MYO1D: variants seen among roughly 807,000 people sequenced by gnomAD.
MYO1D encodes myosin ID.
Under a neutral mutation model 122.0 loss-of-function variants are expected in MYO1D, and 83 were observed. The ratio of observed to expected loss-of-function variants is 0.68; its 90% CI spans 0.57 to 0.82. MYO1D has a LOEUF of 0.82. MYO1D is among the 40% of genes least tolerant of loss of function. The pLI is 0.00. For missense variants in MYO1D, 1,157 were observed against 1,269.5 expected, an observed-to-expected ratio of 0.91 and a Z score of 1.35; for synonymous variants, 464 against 446.9, an observed-to-expected ratio of 1.04 and a Z score of -0.48.
At chr17:32,710,664 G>C (rs1396319854) in intron 16 of MYO1D, among the ~76,000 whole-genome samples, 2 of 152,144 alleles carry the variant, frequency 1.3e-5, no homozygotes, top group Non-Finnish European at 1.5e-5. Flanking sequence ...TTACAGAATA[G>C]GAGAATATAT....
intron 3 of MYO1D, among the ~76,000 whole-genome samples, chr17:32,776,870 C>A (rs1461680307): frequency 6.6e-6 from 1 of 152,152 alleles, no homozygotes; most frequent in Admixed American, 6.5e-5. Flanking sequence ...GTTTTCATTC[C>A]ACTGATAAAA....
intron 21 of MYO1D, among the ~76,000 whole-genome samples, chr17:32,564,309 T>TTCTAATTACTCACACAAG (rs2087152528): frequency 6.6e-6 from 1 of 152,204 alleles, no homozygotes; most frequent in Non-Finnish European, 1.5e-5. Context: ...CCTCTGAAGT[T>TTCTAATTACTCACACAAG]TCTAATTACT....
At chr17:32,835,567 G>C (rs1017884798) in intron 1 of MYO1D, among the ~76,000 whole-genome samples, 11 of 152,226 alleles carry the variant, frequency 7.2e-5, no homozygotes, top group Admixed American at 5.9e-4. Context: ...CCCTGGCATA[G>C]GTTCTACCTA....
chr17:32,818,961 C>T (rs1296182774), intron 1 of MYO1D, among the ~76,000 whole-genome samples: 2 of 152,168 alleles, frequency 1.3e-5, no homozygotes, highest in South Asian at 2.1e-4. Context: ...GATAGGTTGA[C>T]GTTACTTCTT....
chr17:32,810,249 G>A (rs1035642798), intron 1 of MYO1D, among the ~76,000 whole-genome samples: 2 of 152,182 alleles, frequency 1.3e-5, no homozygotes, highest in Non-Finnish European at 2.9e-5. Flanking sequence ...AAAGGGAGGA[G>A]AGAGTAGGTG....
intron 19 of MYO1D, among the ~76,000 whole-genome samples, chr17:32,652,626 G>GTT (rs879726485): frequency 6.7e-6 from 1 of 148,234 alleles, no homozygotes; most frequent in Non-Finnish European, 1.5e-5. Flanking sequence ...GTATTTTAAG[G>GTT]TTTTTTTTTT....
At chr17:32,719,711 G>T (rs914288558) in intron 15 of MYO1D, among the ~76,000 whole-genome samples, 1 of 152,124 alleles carries the variant, frequency 6.6e-6, no homozygotes, top group Non-Finnish European at 1.5e-5. Flanking sequence ...CATCCATAAG[G>T]TTATGTAATT....
At chr17:32,608,311 T>C (rs774547844) in intron 20 of MYO1D, among the ~76,000 whole-genome samples, 1 of 152,120 alleles carries the variant, frequency 6.6e-6, no homozygotes, top group African/African-American at 2.4e-5. Flanking sequence ...TTAAAAATGA[T>C]GGATAAAAGA....
chr17:32,801,973 T>G (rs534937789), intron 1 of MYO1D, among the ~76,000 whole-genome samples: 1 of 152,324 alleles, frequency 6.6e-6, no homozygotes, highest in East Asian at 1.9e-4. Flanking sequence ...AAATCTGGGA[T>G]AGTTTATTGT....
At chr17:32,518,009 A>G (rs1909956899) in intron 21 of MYO1D, among the ~76,000 whole-genome samples, 1 of 141,854 alleles carries the variant, frequency 7.0e-6, no homozygotes, top group South Asian at 2.3e-4. Flanking sequence ...CTGGCCCGCC[A>G]CTCTGCCATC....
chr17:32,622,057 C>T (rs1484712994), intron 20 of MYO1D, among the ~76,000 whole-genome samples: 1 of 152,190 alleles, frequency 6.6e-6, no homozygotes, highest in Non-Finnish European at 1.5e-5. Context: ...CTAAGACAGT[C>T]TCCATCCTAG....
intron 21 of MYO1D, among the ~76,000 whole-genome samples, chr17:32,580,120 C>A (rs1321371670): frequency 6.6e-6 from 1 of 151,856 alleles, no homozygotes. Flanking sequence ...TACAATTATC[C>A]AAAATGGACA....
At chr17:32,714,209 G>A (rs1469159032) in intron 15 of MYO1D, among the ~76,000 whole-genome samples, 1 of 151,808 alleles carries the variant, frequency 6.6e-6, no homozygotes, top group African/African-American at 2.4e-5. Context: ...TCTTCCTGAT[G>A]ATCTCCATTC....
In MYO1D at chr17:32,805,579, T is replaced by C. The variant is rs546050084; in HGVS notation, c.96-24795A>G. 1.2e-4 allele frequency among the ~76,000 whole-genome samples: 19 copies of C among 152,266 alleles called. No homozygotes were observed. The South Asian group carries it at 3.1e-3, about 25-fold the overall frequency. ...CAAAACCGATGGAGAAGTGTGTTAT[T>C]TGCAGAGATGACTAATGAAGCAATC... On this transcript the variant is annotated intron_variant, in intron 1 of 21. Transcript: ENST00000318217.
chr17:32,757,232 G>T (rs576869282), intron 10 of MYO1D, among the ~76,000 whole-genome samples: 30 of 152,144 alleles, frequency 2.0e-4, no homozygotes, highest in African/African-American at 7.0e-4. Flanking sequence ...CTGTAAACTG[G>T]GTAGTTTTTA....
intron 21 of MYO1D, among the ~76,000 whole-genome samples, chr17:32,538,826 C>T (rs1440540758): frequency 6.6e-6 from 1 of 152,094 alleles, no homozygotes; most frequent in Non-Finnish European, 1.5e-5. Context: ...AGCCATAATC[C>T]TCAGCAAACT....
intron 21 of MYO1D, among the ~76,000 whole-genome samples, chr17:32,568,363 G>C (rs751785488): frequency 6.6e-6 from 1 of 152,154 alleles, no homozygotes; most frequent in Non-Finnish European, 1.5e-5. Flanking sequence ...AATATGGTTA[G>C]TTTTCAAGGC....
intron 15 of MYO1D, among the ~76,000 whole-genome samples, chr17:32,717,644 G>C (rs2089464184): frequency 6.6e-6 from 1 of 152,090 alleles, no homozygotes; most frequent in African/African-American, 2.4e-5. Context: ...TACAATTCTA[G>C]GCATGAAAGC....
intron 1 of MYO1D, among the ~76,000 whole-genome samples, chr17:32,810,194 G>A (rs1462169408): frequency 1.3e-5 from 2 of 152,022 alleles, no homozygotes; most frequent in African/African-American, 4.8e-5. Context: ...GAAGGGTGAG[G>A]AAGCTGCAGA....
Sources: gnomAD v4.1 joint callset for allele counts (sites outside exome capture counted in the v4.1 genomes callset) on GRCh38, gnomAD v4.1.1 for gene constraint, MANE v1.5 for transcripts, NCBI Gene and HGNC (gene_info 2026-07-23, HGNC 2026-07-21) for gene names.